UXS1: variants seen among roughly 807,000 people sequenced by gnomAD.
UXS1 encodes UDP-glucuronate decarboxylase 1.
UXS1 carries 33 observed loss-of-function variants against 62.6 expected under a neutral mutation model. The ratio of observed to expected loss-of-function variants is 0.53; its 90% CI spans 0.40 to 0.70. UXS1 has a LOEUF of 0.70. UXS1 is among the 30% of genes least tolerant of loss of function. The pLI is 0.00. For missense variants in UXS1, 434 were observed against 556.3 expected, an observed-to-expected ratio of 0.78 and a Z score of 2.21; for synonymous variants, 213 against 206.8, an observed-to-expected ratio of 1.03 and a Z score of -0.26.
chr2:106,156,349 C>A (rs780233333), intron 5 of UXS1, among the ~76,000 whole-genome samples: 1 of 152,122 alleles, frequency 6.6e-6, no homozygotes, highest in African/African-American at 2.4e-5. Context: ...TCACTTCACA[C>A]CCAGTAGAAA....
At chr2:106,186,831 C>CA (rs936784146) in intron 1 of UXS1, among the ~76,000 whole-genome samples, 16 of 145,524 alleles carry the variant, frequency 1.1e-4, no homozygotes, top group East Asian at 2.0e-4. Context: ...AAAACAGAAG[C>CA]AAAAAAAAAA....
chr2:106,098,959 A>G (rs1358063322), intron 12 of UXS1, among the ~76,000 whole-genome samples, 186 bp from the exon 13 acceptor site: 3 of 152,196 alleles, frequency 2.0e-5, no homozygotes, highest in African/African-American at 7.2e-5. Context: ...TGGCAGTGCT[A>G]AACTGCACCA....
At chr2:106,125,532 T>G (rs1272618073) in intron 8 of UXS1, 88 bp downstream of exon 8, 1 of 1,290,052 alleles carries the variant, frequency 7.8e-7, no homozygotes, top group Non-Finnish European at 1.0e-6. Flanking sequence ...CTGGGCCTCC[T>G]CAGAAAAGAA....
intron 8 of UXS1, 105 bp from the exon 9 acceptor site, chr2:106,123,196 G>A: frequency 6.7e-7 from 1 of 1,499,972 alleles, no homozygotes. Flanking sequence ...GACCCATTTA[G>A]AGATGGAGAG....
At chr2:106,160,457 CGT>C (rs1328332381) in intron 4 of UXS1, 1 of 152,156 alleles carries the variant, frequency 6.6e-6, no homozygotes, top group Non-Finnish European at 1.5e-5. Flanking sequence ...CCTTCTCTAC[CGT>C]GTATATGATT....
Position 106,164,761 on chromosome 2 carries a change from A to G in UXS1, c.161T>C (p.Leu54Pro). ...CTCTTCAATCTTGCTTTCAATTTTT[A>G]GTTCACCATTTTCCTGGATAGACCT... is the stretch of plus-strand genomic sequence containing the variant. ...LNRSIQENGE[L>P]KIESKIEEMV... The change falls in exon 3 of 15, where the codon CTA becomes CCA. Residue 54 changes from leucine (L) to proline (P), a missense_variant. By Grantham distance (98) the Leu-to-Pro change is moderately conservative. Around this residue, in one of 3 missense-constraint regions of UXS1, gnomAD observed 91 missense variants for 71.1 expected, o/e 1.28. Transcript: ENST00000283148. The G allele has an allele frequency of 6.3e-7, 1 of 1,590,288 alleles. No homozygotes were observed. Among genetic ancestry groups the G allele is most frequent in the South Asian group, 1.1e-5 (1 of 87,030 alleles).
chr2:106,163,894 A>G (rs977182896), intron 3 of UXS1, among the ~76,000 whole-genome samples, 184 bp from the exon 4 acceptor site: 2 of 152,228 alleles, frequency 1.3e-5, no homozygotes, highest in African/African-American at 4.8e-5. Context: ...TAAACTGTCC[A>G]TTTGAACTCT....
At chr2:106,161,316 G>A (rs929060455) in intron 4 of UXS1, among the ~76,000 whole-genome samples, 5 of 152,044 alleles carry the variant, frequency 3.3e-5, no homozygotes, top group Admixed American at 3.3e-4. Flanking sequence ...ATGTTGCCCA[G>A]GCTGGGCTCG....
intron 6 of UXS1, among the ~76,000 whole-genome samples, chr2:106,137,435 T>G (rs1397135811): frequency 6.6e-6 from 1 of 152,124 alleles, no homozygotes; most frequent in Non-Finnish European, 1.5e-5. Flanking sequence ...CTGTGCTGCC[T>G]CCTCTGAAGA....
At chr2:106,181,897 T>A (rs1165610616) in intron 1 of UXS1, among the ~76,000 whole-genome samples, 1 of 152,166 alleles carries the variant, frequency 6.6e-6, no homozygotes, top group Non-Finnish European at 1.5e-5. Flanking sequence ...GGGCACTTTC[T>A]AAAAGTTAAG....
intron 1 of UXS1, among the ~76,000 whole-genome samples, chr2:106,171,088 A>T (rs1425893746): frequency 6.6e-6 from 1 of 152,214 alleles, no homozygotes; most frequent in Non-Finnish European, 1.5e-5. Flanking sequence ...ATATAAATTT[A>T]AAAAATACTT....
chr2:106,093,956 A>G lies in UXS1; in HGVS notation c.*70T>C. ...CTGTTAAAGTCTTTCTTTAAACGAC[A>G]ACAAAAAAAAGCCAAAAATACATCC... On this transcript the variant is annotated 3_prime_UTR_variant, in exon 15 of 15. Transcript: ENST00000283148. 1 of 1,476,276 alleles carries G rather than the reference A, an allele frequency of 6.8e-7. No homozygotes were observed. Among genetic ancestry groups the G allele is most frequent in the Non-Finnish European group, 8.9e-7 (1 of 1,118,096 alleles). 91.4% of individuals were successfully genotyped at this position (1,476,276 alleles called of 1,614,324 possible). A position where few individuals can be genotyped will look rare whatever the true frequency, so the allele number is the denominator to read the frequency against.
chr2:106,138,525 A>C, intron 6 of UXS1: 2 of 985,390 alleles, frequency 2.0e-6, no homozygotes, highest in Non-Finnish European at 2.4e-6. Flanking sequence ...GAAACCTTCC[A>C]TTTACAACAA....
chr2:106,118,354 T>A (rs896435022), intron 9 of UXS1, among the ~76,000 whole-genome samples: 1 of 152,202 alleles, frequency 6.6e-6, no homozygotes, highest in Non-Finnish European at 1.5e-5. Flanking sequence ...CTGAGTTTGC[T>A]TTCTTTCCAC....
At chr2:106,102,630 T>C (rs1677689184) in intron 11 of UXS1, 1 of 152,200 alleles carries the variant, frequency 6.6e-6, no homozygotes. Flanking sequence ...CCGATGCGGA[T>C]GGCCACCTAG....
At chr2:106,183,819 T>C (rs767872566) in intron 1 of UXS1, 16 of 152,160 alleles carry the variant, frequency 1.1e-4, no homozygotes, top group South Asian at 8.3e-4. Flanking sequence ...ATTTTCATTT[T>C]ACAAATGGAA....
chr2:106,180,194 C>T lies in UXS1; in HGVS notation c.94+13954G>A, dbSNP rs1462714301. Among the ~76,000 whole-genome samples the T allele has an allele frequency of 1.8e-4, 28 of 152,186 alleles. 1 individual carries two copies. The highest frequency in any genetic ancestry group is 1.8e-3 in the Admixed American group (28 of 15,276). ...CATAAAACCATTTACATTTTAAAAGCACCTAAGACATTCTACAAATGGTAC... is the reference window on the plus strand; with the variant it reads ...CATAAAACCATTTACATTTTAAAAGTACCTAAGACATTCTACAAATGGTAC... On this transcript the variant is annotated intron_variant, in intron 1 of 14. Coordinates refer to ENST00000283148, the MANE Select transcript of UXS1 (RefSeq NM_001253875.2).
At chr2:106,144,090 C>G (rs1022229728) in intron 6 of UXS1, among the ~76,000 whole-genome samples, 4 of 152,322 alleles carry the variant, frequency 2.6e-5, no homozygotes, top group Non-Finnish European at 5.9e-5. Flanking sequence ...TAGCAGGGAA[C>G]TGTGAGAATC....
chr2:106,168,007 C>A (rs550148913), intron 1 of UXS1, among the ~76,000 whole-genome samples: 1 of 152,172 alleles, frequency 6.6e-6, no homozygotes, highest in South Asian at 2.1e-4. Context: ...ACTAAAAATA[C>A]AAAATTAGCT....
Sources: allele counts gnomAD v4.1 joint callset (sites outside exome capture counted in the v4.1 genomes callset), GRCh38; gene constraint gnomAD v4.1.1; regional missense constraint gnomAD v4.1.1; transcripts MANE v1.5; gene names NCBI Gene and HGNC (gene_info 2026-07-23, HGNC 2026-07-21).